The following FNDC3B variants were observed in gnomAD, a reference collection of about 807,000 sequenced individuals.
FNDC3B encodes fibronectin type III domain containing 3B.
FNDC3B carries 12 observed loss-of-function variants against 151.5 expected under a neutral mutation model. That is an observed-to-expected ratio of 0.08 (90% confidence interval 0.05 to 0.13). The LOEUF (loss-of-function observed/expected upper bound fraction) is 0.13, where lower values mean the gene tolerates loss of function less well. Ranked by LOEUF, FNDC3B falls within the 10% of genes least tolerant of loss-of-function variation. FNDC3B has a pLI of 1.00. For missense variants in FNDC3B, 1,214 were observed against 1,505.3 expected, an observed-to-expected ratio of 0.81 and a Z score of 3.20; for synonymous variants, 528 against 549.0, an observed-to-expected ratio of 0.96 and a Z score of 0.54.
chr3:172,238,941 T>C (rs1727312261), intron 4 of FNDC3B, among the ~76,000 whole-genome samples: 1 of 152,244 alleles, frequency 6.6e-6, no homozygotes, highest in Non-Finnish European at 1.5e-5. Context: ...TCAGATTTTC[T>C]GAGATTTTAG....
intron 11 of FNDC3B, among the ~76,000 whole-genome samples, chr3:172,313,521 T>C: frequency 6.6e-6 from 1 of 152,254 alleles, no homozygotes; most frequent in East Asian, 1.9e-4. Flanking sequence ...TCATTAATTA[T>C]TTCAGCATTT....
intron 1 of FNDC3B, among the ~76,000 whole-genome samples, chr3:172,097,611 T>C (rs550311042): frequency 2.0e-5 from 3 of 152,364 alleles, no homozygotes; most frequent in Middle Eastern, 6.8e-3. Flanking sequence ...ATACAACTTA[T>C]TCGTTATTCT....
At chr3:172,235,113 A>G (rs1378834042) in intron 4 of FNDC3B, among the ~76,000 whole-genome samples, 1 of 152,128 alleles carries the variant, frequency 6.6e-6, no homozygotes, top group Non-Finnish European at 1.5e-5. Context: ...ATTTTTTTAA[A>G]AGGTGATACG....
At chr3:172,190,983 G>T (rs1221766026) in intron 3 of FNDC3B, among the ~76,000 whole-genome samples, 1 of 152,098 alleles carries the variant, frequency 6.6e-6, no homozygotes, top group Non-Finnish European at 1.5e-5. Flanking sequence ...TGTGTCTTTT[G>T]TTTAATGATG....
chr3:172,143,907 CAAAA>C (rs1424610364), intron 3 of FNDC3B, among the ~76,000 whole-genome samples: 1 of 108,298 alleles, frequency 9.2e-6, no homozygotes, highest in Non-Finnish European at 1.9e-5. Flanking sequence ...GCCTCCATCT[CAAAA>C]TAAATAAATA....
chr3:172,287,677 GTGC>G (rs988553680), intron 7 of FNDC3B, among the ~76,000 whole-genome samples: 1 of 152,160 alleles, frequency 6.6e-6, no homozygotes, highest in African/African-American at 2.4e-5. Flanking sequence ...TATGCACACA[GTGC>G]TGTTCCTCAG....
chr3:172,248,857 T>C (rs1312448134), intron 5 of FNDC3B, among the ~76,000 whole-genome samples: 1 of 148,560 alleles, frequency 6.7e-6, no homozygotes, highest in East Asian at 2.0e-4. Flanking sequence ...TTTGACTGTA[T>C]GTGTGTTTTG....
rs1304807837 is a variant in FNDC3B, at chr3:172,341,219, C to T, written c.1959C>T (p.Gly653=). The T allele has an allele frequency of 9.3e-6, 15 of 1,613,272 alleles. No individual in the cohort carries two copies. The highest frequency in any genetic ancestry group is 2.7e-5 in the African/African-American group (2 of 74,890). ...YKLRACCIST[G]GHSQCSESLP... ...TCCGAGCATGCTGCATCAGTACCGG[C>T]GGACACAGCCAGGTTGGTTTTGTTT... is the stretch of plus-strand genomic sequence containing the variant. The change falls in exon 17 of 26, where the codon GGC becomes GGT. Residue 653 remains glycine, a synonymous_variant. Transcript: ENST00000415807.
At chr3:172,253,159 C>T (rs538648197) in intron 6 of FNDC3B, among the ~76,000 whole-genome samples, 1 of 152,258 alleles carries the variant, frequency 6.6e-6, no homozygotes, top group South Asian at 2.1e-4. Flanking sequence ...TTCACCTTGC[C>T]TTGCACCAAA....
In FNDC3B at chr3:172,040,331, G is replaced by A. The variant is rs1030001075; in HGVS notation, c.-29+560G>A. Among the ~76,000 whole-genome samples the A allele has an allele frequency of 7.8e-4, 118 of 152,140 alleles. No homozygotes were observed. Among genetic ancestry groups the A allele is most frequent in the Admixed American group, 2.9e-3 (44 of 15,298 alleles). The stretch of plus-strand genomic sequence containing the variant: ...GGGCCGCCTCTCCGCGCCGGCGGGG[G>A]CGGTCGGGGGCCTCGAACCCGGGGA... On this transcript the variant is annotated intron_variant, in intron 1 of 25. Transcript: ENST00000415807. This position sits in a 1 kb window ranked among gnomAD's most constrained non-coding sequence, Gnocchi z 6.6.
chr3:172,328,910 T>TTG, intron 11 of FNDC3B, 42 bp from the exon 12 acceptor site: 1 of 1,476,266 alleles, frequency 6.8e-7, no homozygotes, highest in Non-Finnish European at 9.1e-7. Context: ...CTGTTGTTTT[T>TTG]TTTTTTTTAA....
chr3:172,344,248 A>G lies in FNDC3B; in HGVS notation c.2240A>G (p.Asn747Ser). The change falls in exon 19 of 26, where the codon AAT (asparagine) becomes AGT (serine). Residue 747 changes from asparagine to serine, a missense_variant. By Grantham distance (46) the Asn-to-Ser change is conservative. This residue lies in a region of FNDC3B where 380 missense variants were observed against 420.9 expected (regional missense o/e 0.90). Coordinates refer to ENST00000415807, the MANE Select transcript of FNDC3B (RefSeq NM_022763.4). Reference protein sequence around the residue: ...TVYRFRVRALNDGGYGPYSDV... With the variant: ...TVYRFRVRALSDGGYGPYSDV... ...TATCGCTTCCGGGTGAGGGCTCTGA[A>G]TGATGGAGGGGTGAGTATAAGCCCA... is the stretch of plus-strand genomic sequence containing the variant. 2 of 1,613,872 alleles carry G rather than the reference A, an allele frequency of 1.2e-6. No individual in the cohort carries two copies. The highest frequency in any genetic ancestry group is 1.7e-6 in the Non-Finnish European group (2 of 1,179,842).
intron 8 of FNDC3B, among the ~76,000 whole-genome samples, chr3:172,297,710 G>C (rs898584149): frequency 1.3e-5 from 2 of 152,030 alleles, no homozygotes; most frequent in Non-Finnish European, 2.9e-5. Context: ...TCCTGACCTC[G>C]TGATCCGCCC....
chr3:172,343,942 T>A (rs1733471704), intron 18 of FNDC3B, 144 bp from the exon 19 acceptor site: 1 of 671,300 alleles, frequency 1.5e-6, no homozygotes, highest in Admixed American at 2.7e-5. Context: ...TATCTCTTTT[T>A]TGGTGGGCAT....
intron 1 of FNDC3B, among the ~76,000 whole-genome samples, chr3:172,056,040 C>T (rs1368170979): frequency 6.6e-6 from 1 of 152,094 alleles, no homozygotes; most frequent in Non-Finnish European, 1.5e-5. Flanking sequence ...CTCGGCCTCC[C>T]AAAGTGCTGG....
In FNDC3B at chr3:172,200,296, G is replaced by C. The variant is rs564241083; in HGVS notation, c.188-26575G>C. On this transcript the variant is annotated intron_variant, in intron 3 of 25. Coordinates refer to ENST00000415807, the MANE Select transcript of FNDC3B (RefSeq NM_022763.4). ...AGAGAACGGGGAAACTCCACACAGA[G>C]GCCTTGGCCAGGAGTCAATTTTGTT... Among the ~76,000 whole-genome samples the C allele has an allele frequency of 1.1e-4, 16 of 152,330 alleles. No individual in the cohort carries two copies. The South Asian group carries it at 3.1e-3, about 30-fold the overall frequency.
intron 3 of FNDC3B, among the ~76,000 whole-genome samples, chr3:172,194,352 A>C (rs952000315): frequency 6.6e-6 from 1 of 152,252 alleles, no homozygotes; most frequent in South Asian, 2.1e-4. Flanking sequence ...AGCTACAAAA[A>C]TGTAAACGTG....
chr3:172,171,534 T>TGGG (rs35032259), intron 3 of FNDC3B, among the ~76,000 whole-genome samples: 1 of 151,836 alleles, frequency 6.6e-6, no homozygotes, highest in African/African-American at 2.4e-5. Flanking sequence ...GAGATGGGGT[T>TGGG]GGGGGAGGTT....
At chr3:172,058,233 G>A (rs1717009503) in intron 1 of FNDC3B, among the ~76,000 whole-genome samples, 1 of 152,156 alleles carries the variant, frequency 6.6e-6, no homozygotes, top group South Asian at 2.1e-4. Flanking sequence ...CTTTTCAGAA[G>A]CAACATTCAT....
Sources: gnomAD v4.1 joint callset for allele counts (sites outside exome capture counted in the v4.1 genomes callset) on GRCh38, gnomAD v4.1.1 for gene constraint, gnomAD v4.1.1 regional missense constraint, Gnocchi (gnomAD v3.1) non-coding constraint, MANE v1.5 for transcripts, NCBI Gene and HGNC (gene_info 2026-07-23, HGNC 2026-07-21) for gene names.